The following RIN3 variants were observed in gnomAD, a reference collection of about 807,000 sequenced individuals.
RIN3 encodes Ras and Rab interactor 3.
A neutral mutation model predicts 76.3 loss-of-function variants in RIN3; 54 were observed. The ratio of observed to expected loss-of-function variants is 0.71; its 90% CI spans 0.57 to 0.89. The LOEUF (loss-of-function observed/expected upper bound fraction) is 0.89, where lower values mean the gene tolerates loss of function less well. Ranked by LOEUF, RIN3 falls within the 40% of genes least tolerant of loss-of-function variation. The pLI is 0.00. For missense variants in RIN3, 1,256 were observed against 1,322.1 expected, an observed-to-expected ratio of 0.95 and a Z score of 0.78; for synonymous variants, 576 against 564.0, an observed-to-expected ratio of 1.02 and a Z score of -0.30.
intron 3 of RIN3, among the ~76,000 whole-genome samples, chr14:92,596,837 G>A (rs1281830234): frequency 6.6e-6 from 1 of 152,210 alleles, no homozygotes; most frequent in Non-Finnish European, 1.5e-5. Flanking sequence ...CAACTGAGTG[G>A]AGGTGGGTTT....
At chr14:92,588,258 G>C (rs1042094125) in intron 3 of RIN3, among the ~76,000 whole-genome samples, 1 of 104,740 alleles carries the variant, frequency 9.5e-6, no homozygotes, top group Non-Finnish European at 1.8e-5. Flanking sequence ...ATGGAGTTTC[G>C]CTCTTGTTGC....
rs1166978049 is a variant in RIN3, at chr14:92,633,580, G to A, written c.441-7658G>A. ...CTGAGACAACTGCATCTGAAGTGGG[G>A]GCAGTCTTGGGGGACTGAAGCCTTA... On this transcript the variant is annotated intron_variant, in intron 4 of 9. Transcript: ENST00000216487. Among the ~76,000 whole-genome samples the A allele has an allele frequency of 2.0e-5, 3 of 152,312 alleles. No homozygotes were observed. The East Asian group carries it at 5.8e-4, about 29-fold the overall frequency.
At chr14:92,544,414 T>TGGG (rs71123353) in intron 1 of RIN3, among the ~76,000 whole-genome samples, 59 of 74,560 alleles carry the variant, frequency 7.9e-4, no homozygotes, top group Non-Finnish European at 8.3e-4. Context: ...GTGACAGCTG[T>TGGG]GGGGGGGGGG....
intron 7 of RIN3, among the ~76,000 whole-genome samples, chr14:92,669,165 C>T (rs529408784): frequency 6.6e-6 from 1 of 152,290 alleles, no homozygotes; most frequent in Admixed American, 6.5e-5. Flanking sequence ...AGACCAGGTA[C>T]CGCTGAGATG....
intron 3 of RIN3, among the ~76,000 whole-genome samples, chr14:92,608,462 T>G (rs1439425773): frequency 6.6e-6 from 1 of 152,254 alleles, no homozygotes; most frequent in Non-Finnish European, 1.5e-5. Context: ...AAACAGAAGA[T>G]GCACACACAG....
intron 1 of RIN3, among the ~76,000 whole-genome samples, chr14:92,516,662 T>C (rs1896452393): frequency 6.6e-6 from 1 of 152,038 alleles, no homozygotes; most frequent in Non-Finnish European, 1.5e-5. Context: ...GAGAAGCAGC[T>C]GGGAGTGCAA....
chr14:92,549,876 C>T (rs561007820), intron 1 of RIN3, among the ~76,000 whole-genome samples: 7 of 152,350 alleles, frequency 4.6e-5, no homozygotes, highest in African/African-American at 1.7e-4. Context: ...TCTGGTGGAG[C>T]TGCTCCAAAG....
intron 4 of RIN3, among the ~76,000 whole-genome samples, chr14:92,635,192 C>T (rs1886731547): frequency 6.6e-6 from 1 of 152,238 alleles, no homozygotes; most frequent in African/African-American, 2.4e-5. Flanking sequence ...CACCTGCCTT[C>T]CCCATCTTCA....
At chr14:92,622,969 G>A (rs1886237621) in intron 4 of RIN3, among the ~76,000 whole-genome samples, 1 of 152,194 alleles carries the variant, frequency 6.6e-6, no homozygotes, top group African/African-American at 2.4e-5. Flanking sequence ...TATAGGATTG[G>A]GAAGAACTAG....
intron 2 of RIN3, among the ~76,000 whole-genome samples, chr14:92,574,695 A>G (rs566797070): frequency 6.6e-6 from 1 of 152,132 alleles, no homozygotes; most frequent in South Asian, 2.1e-4. Context: ...ATCGCCCCCT[A>G]TTGCTCCTGC....
At chr14:92,620,330 G>A (rs1243675446) in intron 4 of RIN3, among the ~76,000 whole-genome samples, 1 of 152,156 alleles carries the variant, frequency 6.6e-6, no homozygotes, top group Admixed American at 6.5e-5. Context: ...TTCACAAACA[G>A]TTTACAAATT....
chr14:92,534,763 A>G (rs1298698946), intron 1 of RIN3, among the ~76,000 whole-genome samples: 1 of 151,882 alleles, frequency 6.6e-6, no homozygotes, highest in Non-Finnish European at 1.5e-5. Flanking sequence ...ACCTTCCACT[A>G]TCTTGTATGT....
chr14:92,593,910 T>C (rs568045789), intron 3 of RIN3, among the ~76,000 whole-genome samples: 201 of 152,192 alleles, frequency 1.3e-3, no homozygotes, highest in Non-Finnish European at 1.9e-3. Flanking sequence ...ACTATCATAG[T>C]TGGAGACTTC....
At chr14:92,662,023 G>A (rs1250089535) in intron 7 of RIN3, among the ~76,000 whole-genome samples, 1 of 152,248 alleles carries the variant, frequency 6.6e-6, no homozygotes, top group Non-Finnish European at 1.5e-5. Context: ...GTACATGGGG[G>A]ACAGCGGACA....
chr14:92,528,225 G>A (rs1896796108), intron 1 of RIN3, among the ~76,000 whole-genome samples: 1 of 152,138 alleles, frequency 6.6e-6, no homozygotes, highest in African/African-American at 2.4e-5. Context: ...GGGCGGGGAG[G>A]CCGCCTTTAT....
At chr14:92,613,471 T>A (rs1885825200) in intron 3 of RIN3, among the ~76,000 whole-genome samples, 1 of 152,218 alleles carries the variant, frequency 6.6e-6, no homozygotes, top group South Asian at 2.1e-4. Flanking sequence ...ATAATTTTTT[T>A]AATTATGTGA....
At chr14:92,550,547 G>A (rs1273189047) in intron 1 of RIN3, among the ~76,000 whole-genome samples, 1 of 152,016 alleles carries the variant, frequency 6.6e-6, no homozygotes, top group African/African-American at 2.4e-5. Context: ...TGAGTATCTG[G>A]GACTACATGG....
At chr14:92,678,565 T>TGCCCACCCTCCACATATTC (rs1178745647) in intron 8 of RIN3, among the ~76,000 whole-genome samples, 23 of 134,876 alleles carry the variant, frequency 1.7e-4, no homozygotes, top group East Asian at 2.5e-4. Flanking sequence ...TCCACATATT[T>TGCCCACCCTCCACATATTC]GCCCACCCTC....
intron 6 of RIN3, 93 bp from the exon 7 acceptor site, chr14:92,659,068 G>A (rs1347075619): frequency 8.3e-7 from 1 of 1,209,432 alleles, no homozygotes; most frequent in Non-Finnish European, 1.2e-6. Flanking sequence ...CAGGGGCCAG[G>A]GGATGGGGAT....
Sources: allele counts gnomAD v4.1 joint callset (sites outside exome capture counted in the v4.1 genomes callset), GRCh38; gene constraint gnomAD v4.1.1; transcripts MANE v1.5; gene names NCBI Gene and HGNC (gene_info 2026-07-23, HGNC 2026-07-21).